PTPRD: variants seen among roughly 807,000 people sequenced by gnomAD.
PTPRD encodes protein tyrosine phosphatase receptor type D.
Under a neutral mutation model 214.5 loss-of-function variants are expected in PTPRD, and 34 were observed. That is an observed-to-expected ratio of 0.16 (90% CI 0.12 to 0.21). The LOEUF (loss-of-function observed/expected upper bound fraction) is 0.21, where lower values mean the gene tolerates loss of function less well. PTPRD is among the 10% of genes least tolerant of loss of function. The pLI, the probability that PTPRD is intolerant of heterozygous loss-of-function variation, is 1.00. For synonymous variants in PTPRD, 1,128 were observed against 845.7 expected, an observed-to-expected ratio of 1.33 and a Z score of -5.79; for missense variants, 2,545 against 2,398.7, an observed-to-expected ratio of 1.06 and a Z score of -1.27.
intron 7 of PTPRD, among the ~76,000 whole-genome samples, chr9:9,655,848 G>A (rs1042596495): frequency 6.6e-6 from 1 of 151,700 alleles, no homozygotes; most frequent in African/African-American, 2.4e-5. Flanking sequence ...CGTGGTGGGA[G>A]GTGCCTGTAA....
At chr9:9,711,359 T>A (rs2097725853) in intron 7 of PTPRD, among the ~76,000 whole-genome samples, 1 of 152,178 alleles carries the variant, frequency 6.6e-6, no homozygotes, top group South Asian at 2.1e-4. Context: ...CTACCAACGA[T>A]GATAAATGAG....
intron 8 of PTPRD, among the ~76,000 whole-genome samples, chr9:9,450,346 G>C (rs1208902572): frequency 1.3e-5 from 2 of 151,860 alleles, no homozygotes; most frequent in Non-Finnish European, 2.9e-5. Flanking sequence ...TTTCCACACT[G>C]TTTTCCACAG....
intron 5 of PTPRD, among the ~76,000 whole-genome samples, chr9:9,918,321 A>C (rs1468913216): frequency 1.3e-5 from 2 of 149,720 alleles, no homozygotes; most frequent in African/African-American, 2.4e-5. Context: ...AAACTTATAA[A>C]ATACCTAGGA....
chr9:10,342,199 T>C (rs1014775182), intron 2 of PTPRD, among the ~76,000 whole-genome samples: 13 of 152,076 alleles, frequency 8.5e-5, no homozygotes, highest in Non-Finnish European at 1.2e-4. Context: ...TTGACTCCTG[T>C]CCACATCATG....
At chr9:8,573,801 T>C (rs1034097070) in intron 14 of PTPRD, among the ~76,000 whole-genome samples, 2 of 151,990 alleles carry the variant, frequency 1.3e-5, no homozygotes, top group African/African-American at 2.4e-5. Flanking sequence ...GCAGAACATT[T>C]TGTAACCAGT....
chr9:8,775,023 C>T (rs12350639), intron 11 of PTPRD, among the ~76,000 whole-genome samples: 85,310 of 151,770 alleles, frequency 0.56, 24,142 homozygotes, highest in Middle Eastern at 0.66. Flanking sequence ...TGATCGGGCG[C>T]CATGGCCAAA....
intron 3 of PTPRD, among the ~76,000 whole-genome samples, chr9:10,108,645 G>A (rs1591390756): frequency 6.6e-6 from 1 of 152,106 alleles, no homozygotes; most frequent in East Asian, 1.9e-4. Flanking sequence ...AAATCAATAT[G>A]TTGAAGAGAT....
chr9:9,639,028 C>A (rs2095856868), intron 7 of PTPRD, among the ~76,000 whole-genome samples: 1 of 152,236 alleles, frequency 6.6e-6, no homozygotes, highest in African/African-American at 2.4e-5. Flanking sequence ...CCTCCCAATA[C>A]TGTTGCATTC....
intron 22 of PTPRD, among the ~76,000 whole-genome samples, chr9:8,506,972 C>T (rs1018843242): frequency 6.6e-5 from 10 of 152,138 alleles, no homozygotes; most frequent in African/African-American, 2.4e-4. Flanking sequence ...AAGAGAAAGT[C>T]CTCAAGTCTC....
intron 5 of PTPRD, among the ~76,000 whole-genome samples, chr9:9,918,361 A>C (rs1393158488): frequency 6.6e-6 from 1 of 150,434 alleles, no homozygotes; most frequent in African/African-American, 2.4e-5. Context: ...TAAAAAAAAA[A>C]AAAAAAAAAC....
intron 2 of PTPRD, among the ~76,000 whole-genome samples, chr9:10,514,199 G>T: frequency 6.6e-6 from 1 of 151,886 alleles, no homozygotes; most frequent in African/African-American, 2.4e-5. Context: ...TTTATACATA[G>T]ATACATATAT....
intron 11 of PTPRD, among the ~76,000 whole-genome samples, chr9:8,848,026 A>G (rs987100076): frequency 6.6e-6 from 1 of 152,040 alleles, no homozygotes. Flanking sequence ...GCAGCTATGA[A>G]AATGGCAGCC....
chr9:9,001,758 C>T (rs763845248), intron 11 of PTPRD, among the ~76,000 whole-genome samples: 3 of 151,960 alleles, frequency 2.0e-5, no homozygotes, highest in Admixed American at 6.6e-5. Flanking sequence ...CCTACTAACC[C>T]GCTCTTTTGA....
intron 11 of PTPRD, among the ~76,000 whole-genome samples, chr9:8,902,441 C>T (rs1381912652): frequency 6.6e-6 from 1 of 150,456 alleles, no homozygotes; most frequent in Non-Finnish European, 1.5e-5. Context: ...CTCCTGGGTT[C>T]AAGTGATTCT....
At chr9:9,738,747 G>A (rs2098346786) in intron 6 of PTPRD, among the ~76,000 whole-genome samples, 1 of 151,806 alleles carries the variant, frequency 6.6e-6, no homozygotes, top group South Asian at 2.1e-4. Flanking sequence ...TGACCTCTTT[G>A]CTCACTTTTT....
intron 11 of PTPRD, among the ~76,000 whole-genome samples, chr9:8,978,277 T>G (rs1384369283): frequency 1.3e-5 from 2 of 152,106 alleles, no homozygotes; most frequent in Non-Finnish European, 2.9e-5. Context: ...ACATTCTTCA[T>G]CGCCAACTTA....
At chr9:10,407,407 T>C (rs2098381487) in intron 2 of PTPRD, among the ~76,000 whole-genome samples, 1 of 151,550 alleles carries the variant, frequency 6.6e-6, no homozygotes, top group Admixed American at 6.6e-5. Context: ...TTCATTTTAT[T>C]ATAAACTTCC....
chr9:8,412,428 T>G (rs2093604617), intron 35 of PTPRD, among the ~76,000 whole-genome samples: 2 of 152,164 alleles, frequency 1.3e-5, no homozygotes, highest in Admixed American at 1.3e-4. Flanking sequence ...AAGAATTAAT[T>G]CACAGCTGCA....
At chr9:10,587,991 C>A (rs762850807) in intron 2 of PTPRD, among the ~76,000 whole-genome samples, 1 of 151,956 alleles carries the variant, frequency 6.6e-6, no homozygotes, top group Non-Finnish European at 1.5e-5. Flanking sequence ...TCAGGGTTAT[C>A]CTCACAAAAG....
Sources: allele counts gnomAD v4.1 joint callset (sites outside exome capture counted in the v4.1 genomes callset), GRCh38; gene constraint gnomAD v4.1.1; transcripts MANE v1.5; gene names NCBI Gene and HGNC (gene_info 2026-07-23, HGNC 2026-07-21).